TRPM5: variants seen among roughly 807,000 people sequenced by gnomAD.
TRPM5 encodes MLSN1 and TRP-related.
A neutral mutation model predicts 124.9 loss-of-function variants in TRPM5; 121 were observed. That is an observed-to-expected ratio of 0.97 (90% CI 0.84 to 1.13). The LOEUF (loss-of-function observed/expected upper bound fraction) is 1.13. Among genes scored for constraint, TRPM5 ranks in the 50% most tolerant of loss-of-function variants. TRPM5 has a pLI of 0.00. For missense variants in TRPM5, 1,643 were observed against 1,589.1 expected (o/e 1.03, Z -0.58); for synonymous variants, 781 against 700.5 (o/e 1.11, Z -1.81).
chr11:2,413,685 TGA>T (rs749993372), intron 12 of TRPM5, 97 bp from the exon 18 acceptor site: 6 of 1,172,720 alleles, frequency 5.1e-6, no homozygotes, highest in Non-Finnish European at 7.4e-6. Flanking sequence ...CTGGCCCACG[TGA>T]GCTGAAGGGG....
At chr11:2,442,316 A>G in the TRPM5 span, among the ~76,000 whole-genome samples, 1 of 151,794 alleles carries the variant, frequency 6.6e-6, no homozygotes, top group Non-Finnish European at 1.5e-5. The surrounding 1 kb of genome is among the most constrained non-coding windows in gnomAD (Gnocchi z 5.9). Context: ...GATTTTTTAA[A>G]TCTGTATCAC....
At chr11:2,444,267 C>G in the TRPM5 span, among the ~76,000 whole-genome samples, 1 of 152,170 alleles carries the variant, frequency 6.6e-6, no homozygotes, top group Non-Finnish European at 1.5e-5. Context: ...GGGGCGCTCA[C>G]AGTGATCGCG....
chr11:2,414,069 C>T lies in TRPM5; in HGVS notation c.1882G>A (p.Gly628Ser), dbSNP rs552426020. The stretch of plus-strand genomic sequence containing the variant: ...GGACAGCTGGCACTCACCTGAACGC[C>T]GTCGTGGGCAAAGAAGGCCTTGGCG... Residue 628 changes from glycine to serine, a missense_variant, in exon 12 of 24, where the codon GGC becomes AGC. Transcript: ENST00000155858. 25 of 1,571,542 alleles carry T rather than the reference C, an allele frequency of 1.6e-5. No individual in the cohort carries two copies. Among genetic ancestry groups the T allele is most frequent in the African/African-American group, 8.1e-5 (6 of 74,320 alleles).
At chr11:2,421,233 C>A in intron 2 of TRPM5, 35 bp from the exon 8 acceptor site, 2 of 1,517,716 alleles carry the variant, frequency 1.3e-6, no homozygotes, top group Non-Finnish European at 1.8e-6. Flanking sequence ...TTGTGCCGCA[C>A]GCCCCAGGTC....
chr11:2,420,098 G>A, intron 4 of TRPM5, 124 bp downstream of exon 9: 2 of 1,112,050 alleles, frequency 1.8e-6, no homozygotes, highest in South Asian at 3.1e-5. Context: ...CAGGCATGCG[G>A]GGTGCGTTCT....
chr11:2,430,899 TTGG>T, the TRPM5 span, among the ~76,000 whole-genome samples: 1 of 139,706 alleles, frequency 7.2e-6, no homozygotes, highest in Non-Finnish European at 1.5e-5. Flanking sequence ...GGTGACGGTA[TTGG>T]TGGTGGTGGT....
intron 21 of TRPM5, 23 bp downstream of exon 26, chr11:2,406,638 G>A (rs781567959): frequency 6.3e-7 from 1 of 1,584,350 alleles, no homozygotes; most frequent in Admixed American, 1.8e-5. Flanking sequence ...ATACCCACCA[G>A]TGATCAGGAC....
At chr11:2,415,044 T>C in exon 10 of TRPM5, 1 of 1,600,898 alleles carries the variant, frequency 6.2e-7, no homozygotes, top group East Asian at 2.2e-5. Flanking sequence ...GCCGGGCCCT[T>C]CTCCTGGAGG....
At chr11:2,412,830 G>T in exon 15 of TRPM5, 3 of 1,603,998 alleles carry the variant, frequency 1.9e-6, no homozygotes, top group South Asian at 1.1e-5. Context: ...GCCCTGGGGG[G>T]GCGGCCTGAA....
At chr11:2,408,290 ACCT>A (rs945053912) in intron 18 of TRPM5, among the ~76,000 whole-genome samples, 1 of 150,738 alleles carries the variant, frequency 6.6e-6, no homozygotes, top group African/African-American at 2.4e-5. Flanking sequence ...ATGTGTTAAA[ACCT>A]CCACCCCTCC....
rs1850330408 is a variant in TRPM5, at chr11:2,406,691, T to G, written c.3221A>C (p.Glu1074Ala). Reference sequence around the variant, plus strand: ...GGCGGTTTTCCGCAGCACCTCCCCCTCGCTGTCCCTCCTCCGCTTCTCCAT... The same window carrying G: ...GGCGGTTTTCCGCAGCACCTCCCCCGCGCTGTCCCTCCTCCGCTTCTCCAT... Residue 1074 changes from glutamate to alanine, a missense_variant, in exon 21 of 24, where the codon GAG (glutamate) becomes GCG (alanine). Coordinates refer to ENST00000155858, the Ensembl canonical transcript of TRPM5. 17 of 1,613,102 alleles carry G rather than the reference T, an allele frequency of 1.1e-5. No homozygotes were observed. Among genetic ancestry groups the G allele is most frequent in the Non-Finnish European group, 1.4e-5 (17 of 1,179,724 alleles).
intron 21 of TRPM5, 93 bp from the exon 27 acceptor site, chr11:2,406,184 C>G: frequency 7.0e-7 from 1 of 1,436,468 alleles, no homozygotes; most frequent in South Asian, 1.2e-5. Context: ...CCTGTGTGCC[C>G]GAGTTTGGGG....
rs754488692 is a variant in TRPM5 at position 2,420,410 on chromosome 11, G to A, written c.466-5C>T. The A allele has an allele frequency of 7.5e-6, 12 of 1,602,216 alleles. No homozygotes were observed. The highest frequency in any genetic ancestry group is 3.4e-5 in the Admixed American group (2 of 59,588). On this transcript the variant is annotated splice_polypyrimidine_tract_variant and splice_region_variant and intron_variant, in intron 3 of 23. Transcript: ENST00000155858. The stretch of plus-strand genomic sequence containing the variant: ...GTAGTGGACAGGAAAATCCTCCTGC[G>A]CCCATGCAGGGAGACGAGGCTGAGC...
rs1209217218 is a variant in TRPM5 at position 2,414,968 on chromosome 11, T to C, written c.1559A>G (p.Asp520Gly). ...CTGCAGCACGGCCCACAGGAACAGG[T>C]CCCGCCAGGGGTTCTCGCTCTTCTG... Residue 520 changes from aspartate to glycine, a missense_variant, in exon 10 of 24, where the codon GAC becomes GGC. By Grantham distance (94) the Asp-to-Gly change is moderately conservative. Coordinates refer to ENST00000155858, the Ensembl canonical transcript of TRPM5. 5 of 1,607,636 alleles carry C rather than the reference T, an allele frequency of 3.1e-6. No homozygotes were observed. In the South Asian group the frequency reaches 5.5e-5, roughly 18 times the overall value.
intron 12 of TRPM5, 141 bp from the exon 18 acceptor site, chr11:2,413,729 C>G: frequency 2.4e-6 from 2 of 830,286 alleles, no homozygotes; most frequent in South Asian, 1.5e-5. Context: ...CCGGAGCCCC[C>G]GTCCTGGTGG....
chr11:2,441,973 G>C, the TRPM5 span, among the ~76,000 whole-genome samples: 1 of 152,204 alleles, frequency 6.6e-6, no homozygotes, highest in Non-Finnish European at 1.5e-5. This position sits in a 1 kb window ranked among gnomAD's most constrained non-coding sequence, Gnocchi z 7.2. Flanking sequence ...ACAGGTGTGA[G>C]CCACTGCATC....
At chr11:2,414,012 C>T (rs376649005) in intron 12 of TRPM5, 49 bp downstream of exon 17, 85 of 497,980 alleles carry the variant, frequency 1.7e-4, no homozygotes, top group Non-Finnish European at 3.0e-4. Flanking sequence ...CCAGCTCGCC[C>T]GCCCACCCCA....
chr11:2,416,429 C>T (rs758794790), intron 7 of TRPM5, among the ~76,000 whole-genome samples: 26 of 152,140 alleles, frequency 1.7e-4, no homozygotes, highest in Non-Finnish European at 2.1e-4. Context: ...TTGGTGAGGT[C>T]ACCAGGGTCA....
chr11:2,408,743 G>A (rs981926940), intron 18 of TRPM5, among the ~76,000 whole-genome samples: 4 of 152,250 alleles, frequency 2.6e-5, no homozygotes, highest in Admixed American at 6.5e-5. Flanking sequence ...CGCAGTGGGC[G>A]TCAGGGTGCT....
Sources: gnomAD v4.1 joint callset for allele counts (sites outside exome capture counted in the v4.1 genomes callset) on GRCh38, gnomAD v4.1.1 for gene constraint, Gnocchi (gnomAD v3.1) non-coding constraint, MANE v1.5 for transcripts, NCBI Gene and HGNC (gene_info 2026-07-23, HGNC 2026-07-21) for gene names.